Variants in CLMN observed in about 807,000 individuals in gnomAD.
The protein encoded by CLMN is calmin.
CLMN carries 57 observed loss-of-function variants against 92.7 expected under a neutral mutation model. That is an observed-to-expected ratio of 0.61 (90% confidence interval 0.50 to 0.77). The LOEUF (loss-of-function observed/expected upper bound fraction) is 0.77, where lower values mean the gene tolerates loss of function less well. Among genes scored for constraint, CLMN ranks in the 30% least tolerant of loss-of-function variants. The pLI is 0.00. For missense variants in CLMN, 1,158 were observed against 1,237.5 expected, an observed-to-expected ratio of 0.94 and a Z score of 0.96; for synonymous variants, 466 against 470.6, an observed-to-expected ratio of 0.99 and a Z score of 0.13.
At chr14:95,272,864 T>C (rs1037837865) in intron 1 of CLMN, among the ~76,000 whole-genome samples, 1 of 152,228 alleles carries the variant, frequency 6.6e-6, no homozygotes, top group African/African-American at 2.4e-5. Flanking sequence ...GTTCATTTAT[T>C]ATTTTTGAAT....
chr14:95,212,501 A>G (rs1321091705), intron 6 of CLMN, among the ~76,000 whole-genome samples: 1 of 152,202 alleles, frequency 6.6e-6, no homozygotes, highest in Non-Finnish European at 1.5e-5. Flanking sequence ...ACTTGGCTCC[A>G]GTTCCCGTCT....
chr14:95,203,166 TAGA>T lies in CLMN; in HGVS notation c.2180_2182del (p.Phe727del). 1 of 1,612,596 alleles carries T rather than the reference TAGA, an allele frequency of 6.2e-7. No homozygotes were observed. The highest frequency in any genetic ancestry group is 1.7e-4 in the Middle Eastern group (1 of 6,058). On this transcript the variant is annotated inframe_deletion, in exon 9 of 13. Transcript: ENST00000298912. ...CAGGGGAACCTCATAGTGTGGGAAA[TAGA>T]AGAGGTCGTGGGGAATGACGGAAAC...
intron 1 of CLMN, among the ~76,000 whole-genome samples, chr14:95,239,426 T>C (rs1898170439): frequency 6.6e-6 from 1 of 152,182 alleles, no homozygotes; most frequent in Non-Finnish European, 1.5e-5. Flanking sequence ...CTTTTTACAT[T>C]CTATAAGGAT....
At chr14:95,261,042 A>AT (rs1899230848) in intron 1 of CLMN, among the ~76,000 whole-genome samples, 1 of 152,152 alleles carries the variant, frequency 6.6e-6, no homozygotes, top group African/African-American at 2.4e-5. Flanking sequence ...CACTGAACTC[A>AT]TGGCCAACAG....
At position 95,223,648 on chromosome 14, in the gene CLMN, C is replaced by T. The variant is rs368063661; in HGVS notation, c.240+112G>A. ...TAGGCACTAATAAAAAAAGTCACCG[C>T]TTCAGAGTTTCTTATTATAGGATAT... On this transcript the variant is annotated intron_variant, in intron 3 of 12. Transcript: ENST00000298912. 7.1e-5 allele frequency: 56 copies of T among 785,058 alleles called. 1 individual carries two copies. The African/African-American group carries it at 8.4e-4, about 12-fold the overall frequency. 48.6% of individuals were successfully genotyped at this position (785,058 alleles called of 1,614,324 possible).
chr14:95,261,743 A>G (rs74963186), intron 1 of CLMN, among the ~76,000 whole-genome samples: 32,636 of 152,154 alleles, frequency 0.21, 4,189 homozygotes, highest in African/African-American at 0.36. Context: ...CAAGATGCCC[A>G]CAGGTCCACC....
intron 1 of CLMN, among the ~76,000 whole-genome samples, chr14:95,272,320 G>A (rs1899743158): frequency 6.6e-6 from 1 of 151,476 alleles, no homozygotes. Flanking sequence ...AAGAGGAGGA[G>A]GAGGGTATTA....
chr14:95,268,653 T>C (rs1189505862), intron 1 of CLMN, among the ~76,000 whole-genome samples: 5 of 152,110 alleles, frequency 3.3e-5, no homozygotes, highest in Admixed American at 3.3e-4. Flanking sequence ...GATGAGTCCA[T>C]AAGCAGCTGG....
intron 1 of CLMN, among the ~76,000 whole-genome samples, chr14:95,234,328 C>T (rs1897982571): frequency 6.6e-6 from 1 of 152,246 alleles, no homozygotes; most frequent in Admixed American, 6.5e-5. Context: ...GGTGTCTCGA[C>T]ACGAAGGTCT....
At chr14:95,292,259 A>G (rs1900597882) in intron 1 of CLMN, among the ~76,000 whole-genome samples, 1 of 152,252 alleles carries the variant, frequency 6.6e-6, no homozygotes, top group Non-Finnish European at 1.5e-5. Context: ...GGGTGGCATC[A>G]TTTGGAACAT....
At chr14:95,310,133 T>C (rs541524841) in intron 1 of CLMN, among the ~76,000 whole-genome samples, 131 of 152,298 alleles carry the variant, frequency 8.6e-4, no homozygotes, top group African/African-American at 3.0e-3. Flanking sequence ...CCTTCTGCCG[T>C]GATTGGAAGC....
rs1595543611 is a variant in CLMN at position 95,187,973 on chromosome 14, G to A, written c.*3591C>T. The A allele has an allele frequency of 1.3e-5, 2 of 152,360 alleles. No individual in the cohort carries two copies. Among genetic ancestry groups the A allele is most frequent in the East Asian group, 3.9e-4 (2 of 5,180 alleles). The allele number at this position is 152,360 out of a possible 1,614,324, so 9.4% of individuals were successfully genotyped here. A position where few individuals can be genotyped will look rare whatever the true frequency, so the allele number is the denominator to read the frequency against. ...TGAAACCACATGAGTACTCAGCATA[G>A]GCTAAAAGCCCTGTGTATGCCCGTT... is the stretch of plus-strand genomic sequence containing the variant. On this transcript the variant is annotated 3_prime_UTR_variant, in exon 13 of 13. Coordinates refer to ENST00000298912, the MANE Select transcript of CLMN (RefSeq NM_024734.4).
Position 95,242,574 on chromosome 14 carries a change from C to CTTTCTTTTTTTTTTTTT in CLMN, c.83-12442_83-12441insAAAAAAAAAAAAAGAAA, listed in dbSNP as rs749024477. Among the ~76,000 whole-genome samples, 37 of 119,904 alleles carry CTTTCTTTTTTTTTTTTT rather than the reference C, an allele frequency of 3.1e-4. 2 individuals are homozygous for CTTTCTTTTTTTTTTTTT. The highest frequency in any genetic ancestry group is 1.1e-3 in the African/African-American group (35 of 32,354). 78.7% of individuals were successfully genotyped at this position (119,904 alleles called of 152,430 possible). ...CATGCCCAGCCTGGCATCTCTTTTT[C>CTTTCTTTTTTTTTTTTT]TTTTTTTTTGAGACGGAGTCTCGCT... is the stretch of plus-strand genomic sequence containing the variant. On this transcript the variant is annotated intron_variant, in intron 1 of 12. Transcript: ENST00000298912.
intron 1 of CLMN, among the ~76,000 whole-genome samples, chr14:95,302,198 G>A (rs59824004): frequency 0.013 from 1,936 of 152,280 alleles, 41 homozygotes; most frequent in African/African-American, 0.043. Flanking sequence ...TACTCAGGAG[G>A]CTGAGGCAGG....
intron 1 of CLMN, among the ~76,000 whole-genome samples, chr14:95,236,473 C>G (rs1490662096): frequency 1.3e-5 from 2 of 152,222 alleles, no homozygotes; most frequent in East Asian, 3.9e-4. Flanking sequence ...TCCCGCAATG[C>G]CTGGAGATGT....
At chr14:95,313,113 G>A (rs536218594) in intron 1 of CLMN, among the ~76,000 whole-genome samples, 1 of 152,328 alleles carries the variant, frequency 6.6e-6, no homozygotes, top group Admixed American at 6.5e-5. Flanking sequence ...GGCTAAAGCA[G>A]GAGAATTGCT....
intron 1 of CLMN, among the ~76,000 whole-genome samples, chr14:95,263,611 G>A (rs189653084): frequency 2.6e-5 from 4 of 152,324 alleles, no homozygotes; most frequent in African/African-American, 7.2e-5. Context: ...AGCCCTAAAC[G>A]TTACTTGGAA....
intron 1 of CLMN, among the ~76,000 whole-genome samples, chr14:95,255,186 G>A (rs1216182784): frequency 1.3e-5 from 2 of 152,196 alleles, no homozygotes; most frequent in East Asian, 1.9e-4. Context: ...GCCCCCTGCC[G>A]GCACCTTGAT....
chr14:95,312,725 C>A (rs147909249), intron 1 of CLMN, among the ~76,000 whole-genome samples: 2 of 152,092 alleles, frequency 1.3e-5, no homozygotes, highest in Non-Finnish European at 2.9e-5. Context: ...TAGAATCAGA[C>A]GTGGGATAAC....
Sources: allele counts gnomAD v4.1 joint callset (sites outside exome capture counted in the v4.1 genomes callset), GRCh38; gene constraint gnomAD v4.1.1; transcripts MANE v1.5; gene names NCBI Gene and HGNC (gene_info 2026-07-23, HGNC 2026-07-21).